The following QTMAN variants were observed in gnomAD, a reference collection of about 807,000 sequenced individuals.
The protein encoded by QTMAN is queuosine-tRNA mannosyltransferase.
chr2:144,241,240 C>A, the QTMAN span, among the ~76,000 whole-genome samples: 1 of 152,186 alleles, frequency 6.6e-6, no homozygotes, highest in Non-Finnish European at 1.5e-5. Flanking sequence ...AGTGTTTTAA[C>A]AAGTCTTTCA....
At chr2:144,136,126 A>G in the QTMAN span, among the ~76,000 whole-genome samples, 2 of 151,828 alleles carry the variant, frequency 1.3e-5, no homozygotes, top group Non-Finnish European at 2.9e-5. Context: ...AGGAGTTGGA[A>G]ACCAGCCTGG....
chr2:144,180,753 CG>C, the QTMAN span, among the ~76,000 whole-genome samples: 1 of 151,950 alleles, frequency 6.6e-6, no homozygotes, highest in African/African-American at 2.4e-5. Flanking sequence ...TCTTTTAGTC[CG>C]TATATTGGTT....
the QTMAN span, among the ~76,000 whole-genome samples, chr2:144,296,256 T>G: frequency 6.6e-6 from 1 of 152,214 alleles, no homozygotes; most frequent in East Asian, 1.9e-4. Context: ...AAACTGTCTC[T>G]CTTACAAAAA....
At chr2:144,283,207 C>G in the QTMAN span, among the ~76,000 whole-genome samples, 3 of 152,216 alleles carry the variant, frequency 2.0e-5, no homozygotes, top group Non-Finnish European at 2.9e-5. Flanking sequence ...TAGCCTACTA[C>G]TTGAGATTGG....
chr2:144,200,903 G>A, the QTMAN span, among the ~76,000 whole-genome samples: 4 of 152,248 alleles, frequency 2.6e-5, no homozygotes, highest in South Asian at 2.1e-4. Flanking sequence ...CCGGTAGTGC[G>A]CAGAGCAGGA....
the QTMAN span, among the ~76,000 whole-genome samples, chr2:144,118,196 G>A: frequency 6.6e-6 from 1 of 152,088 alleles, no homozygotes; most frequent in Non-Finnish European, 1.5e-5. Context: ...TATTTCATAT[G>A]ACTTGAAATG....
At chr2:144,138,075 G>A in the QTMAN span, among the ~76,000 whole-genome samples, 9 of 152,018 alleles carry the variant, frequency 5.9e-5, no homozygotes, top group African/African-American at 2.2e-4. Context: ...GAATGCCAAA[G>A]TGGCTCCAAT....
the QTMAN span, among the ~76,000 whole-genome samples, chr2:144,290,727 C>A: frequency 6.6e-6 from 1 of 152,332 alleles, no homozygotes; most frequent in African/African-American, 2.4e-5. Context: ...GCTCTCCTGG[C>A]AAATATCCTC....
the QTMAN span, among the ~76,000 whole-genome samples, chr2:144,228,979 G>C: frequency 6.6e-6 from 1 of 151,918 alleles, no homozygotes; most frequent in African/African-American, 2.4e-5. Flanking sequence ...ATAAATGAGA[G>C]ATTACAAAAC....
At chr2:144,137,518 A>G in the QTMAN span, among the ~76,000 whole-genome samples, 1 of 152,058 alleles carries the variant, frequency 6.6e-6, no homozygotes, top group African/African-American at 2.4e-5. Flanking sequence ...TGATGCTGCT[A>G]ATCTGCTGTC....
the QTMAN span, among the ~76,000 whole-genome samples, chr2:144,324,544 A>C: frequency 6.6e-6 from 1 of 152,310 alleles, no homozygotes; most frequent in Non-Finnish European, 1.5e-5. Context: ...AGTCAAAATC[A>C]ATCTGGACTG....
At chr2:144,089,591 C>T in the QTMAN span, among the ~76,000 whole-genome samples, 1 of 151,878 alleles carries the variant, frequency 6.6e-6, no homozygotes, top group African/African-American at 2.4e-5. Flanking sequence ...TGTATATTCA[C>T]AATGAGATAC....
chr2:143,960,147 C>T, the QTMAN span, among the ~76,000 whole-genome samples: 1 of 152,060 alleles, frequency 6.6e-6, no homozygotes, highest in Non-Finnish European at 1.5e-5. Context: ...GTACTAGGAT[C>T]TTTGGGTCAT....
At chr2:144,037,708 C>G in the QTMAN span, among the ~76,000 whole-genome samples, 2 of 151,938 alleles carry the variant, frequency 1.3e-5, no homozygotes, top group Non-Finnish European at 2.9e-5. Context: ...TCATCAATGC[C>G]TAAGAAAAAC....
At chr2:144,251,346 GA>G in the QTMAN span, among the ~76,000 whole-genome samples, 1 of 152,134 alleles carries the variant, frequency 6.6e-6, no homozygotes, top group Non-Finnish European at 1.5e-5. Flanking sequence ...CAATGGAACA[GA>G]AGAGAGAGCT....
At chr2:144,109,665 T>A in the QTMAN span, among the ~76,000 whole-genome samples, 4 of 150,906 alleles carry the variant, frequency 2.7e-5, no homozygotes, top group East Asian at 7.8e-4. Flanking sequence ...AGGGCTAATA[T>A]CCAGAATCTA....
At chr2:144,103,101 A>G in the QTMAN span, among the ~76,000 whole-genome samples, 6 of 152,226 alleles carry the variant, frequency 3.9e-5, no homozygotes, top group Non-Finnish European at 8.8e-5. Flanking sequence ...GATGAAGATG[A>G]TGACAATAAT....
chr2:144,176,848 A>C, the QTMAN span, among the ~76,000 whole-genome samples: 1 of 152,234 alleles, frequency 6.6e-6, no homozygotes, highest in African/African-American at 2.4e-5. Flanking sequence ...TGCTATAAAG[A>C]AATACCCAAG....
the QTMAN span, chr2:144,177,226 A>G: frequency 1.4e-6 from 1 of 698,280 alleles, no homozygotes; most frequent in Non-Finnish European, 2.6e-6. Context: ...ATGTGAAGAC[A>G]TCAATCCTCT....
Sources: allele counts gnomAD v4.1 joint callset (sites outside exome capture counted in the v4.1 genomes callset), GRCh38; gene constraint gnomAD v4.1.1; transcripts MANE v1.5; gene names NCBI Gene and HGNC (gene_info 2026-07-23, HGNC 2026-07-21).